PRKN: variants seen among roughly 807,000 people sequenced by gnomAD.
PRKN encodes the protein parkin RBR E3 ubiquitin protein ligase.
PRKN carries 56 observed loss-of-function variants against 59.5 expected under a neutral mutation model. That is an observed-to-expected ratio of 0.94 (90% CI 0.76 to 1.18). PRKN has a LOEUF of 1.18. Ranked by LOEUF, PRKN falls within the 50% of genes most tolerant of loss-of-function variation. The pLI is 0.00. For synonymous variants in PRKN, 250 were observed against 222.1 expected, an observed-to-expected ratio of 1.13 and a Z score of -1.12; for missense variants, 657 against 596.4, an observed-to-expected ratio of 1.10 and a Z score of -1.06.
intron 2 of PRKN, among the ~76,000 whole-genome samples, chr6:162,285,692 C>T (rs1781155782): frequency 6.6e-6 from 1 of 152,080 alleles, no homozygotes; most frequent in Admixed American, 6.6e-5. Flanking sequence ...ACAGCTGGCA[C>T]CTCATCGAAA....
chr6:162,675,048 A>C (rs1316927325), intron 1 of PRKN, among the ~76,000 whole-genome samples: 1 of 151,404 alleles, frequency 6.6e-6, no homozygotes, highest in African/African-American at 2.4e-5. Flanking sequence ...TTATTTATTT[A>C]TTTATTTATT....
Position 161,405,594 on chromosome 6 carries a change from A to T in PRKN, c.1084-18717T>A, listed in dbSNP as rs1787228083. On this transcript the variant is annotated intron_variant, in intron 9 of 11. Coordinates refer to ENST00000366898, the MANE Select transcript of PRKN (RefSeq NM_004562.3). The surrounding 1 kb of genome is among the most constrained non-coding windows in gnomAD (Gnocchi z 5.1). The stretch of plus-strand genomic sequence containing the variant: ...CAAGACCCTGTCTAAAAAATAAAAT[A>T]AAATAAAAATTAAAAATAAATAAAT... Among the ~76,000 whole-genome samples, 1 of 149,204 alleles carries T rather than the reference A, an allele frequency of 6.7e-6. No individual in the cohort carries two copies. The highest frequency in any genetic ancestry group is 6.7e-5 in the Admixed American group (1 of 14,900).
intron 9 of PRKN, among the ~76,000 whole-genome samples, chr6:161,524,148 A>T (rs1778936703): frequency 6.6e-6 from 1 of 152,184 alleles, no homozygotes; most frequent in Non-Finnish European, 1.5e-5. Flanking sequence ...TAGATCTATC[A>T]CAGCACTTCC....
chr6:161,768,341 TTA>T (rs1789517980), intron 7 of PRKN, among the ~76,000 whole-genome samples: 1 of 152,230 alleles, frequency 6.6e-6, no homozygotes, highest in African/African-American at 2.4e-5. Context: ...TGTGTACATT[TTA>T]TATGTTTATA....
At position 162,390,394 on chromosome 6, in the gene PRKN, T is replaced by TACAC. The variant is rs1272491393; in HGVS notation, c.171+52915_171+52916insGTGT. Among the ~76,000 whole-genome samples the TACAC allele has an allele frequency of 7.5e-4, 90 of 120,772 alleles. 1 individual carries two copies. The highest frequency in any genetic ancestry group is 1.2e-3 in the African/African-American group (32 of 26,138). The allele number at this position is 120,772 out of a possible 152,430, so 79.2% of individuals were successfully genotyped here. A position where few individuals can be genotyped will look rare whatever the true frequency, so the allele number is the denominator to read the frequency against. On this transcript the variant is annotated intron_variant, in intron 2 of 11. Coordinates refer to ENST00000366898, the MANE Select transcript of PRKN (RefSeq NM_004562.3). ...GCTAAGGTATATATATATATATATA[T>TACAC]ATACACACACACACACACACACACA...
intron 5 of PRKN, among the ~76,000 whole-genome samples, chr6:162,027,105 A>T (rs1414774305): frequency 6.6e-6 from 1 of 152,102 alleles, no homozygotes; most frequent in African/African-American, 2.4e-5. Flanking sequence ...TAACTTCAGA[A>T]CCCTCACTTA....
At chr6:162,231,401 T>C (rs1778413631) in intron 3 of PRKN, among the ~76,000 whole-genome samples, 1 of 152,234 alleles carries the variant, frequency 6.6e-6, no homozygotes, top group Non-Finnish European at 1.5e-5. Flanking sequence ...TAGATAAGCA[T>C]ACTTTTTAAA....
intron 7 of PRKN, among the ~76,000 whole-genome samples, chr6:161,679,836 G>C (rs1330429655): frequency 1.6e-5 from 2 of 128,092 alleles, no homozygotes; most frequent in Non-Finnish European, 3.1e-5. Flanking sequence ...CTCACTGCAA[G>C]CTCCGCCTCC....
chr6:162,526,547 G>A (rs1026480991), intron 1 of PRKN, among the ~76,000 whole-genome samples: 2 of 151,746 alleles, frequency 1.3e-5, no homozygotes, highest in African/African-American at 4.8e-5. Flanking sequence ...CTACTCAGGA[G>A]GCTGAGGCAG....
At chr6:161,406,924 A>C (rs992576927) in intron 9 of PRKN, among the ~76,000 whole-genome samples, 1 of 152,206 alleles carries the variant, frequency 6.6e-6, no homozygotes, top group African/African-American at 2.4e-5. Flanking sequence ...GCGTCTCGGC[A>C]CTGCTGCTAC....
chr6:161,457,154 C>T lies in PRKN; in HGVS notation c.1084-70277G>A, dbSNP rs1366441563. 6.6e-6 allele frequency among the ~76,000 whole-genome samples: 1 copy of T among 152,228 alleles called. No individual in the cohort carries two copies. The highest frequency in any genetic ancestry group is 1.9e-4 in the East Asian group (1 of 5,198). Reference sequence around the variant, plus strand: ...GAGTCCAGGAGTTCTCCACTCGGTACACCCAGTTTTACCAAAGTTAAACCC... The same window carrying T: ...GAGTCCAGGAGTTCTCCACTCGGTATACCCAGTTTTACCAAAGTTAAACCC... On this transcript the variant is annotated intron_variant, in intron 9 of 11. Coordinates refer to ENST00000366898, the MANE Select transcript of PRKN (RefSeq NM_004562.3). The surrounding 1 kb of genome is among the most constrained non-coding windows in gnomAD (Gnocchi z 5.0).
chr6:161,607,109 C>A (rs1373428566), intron 7 of PRKN, among the ~76,000 whole-genome samples: 1 of 152,124 alleles, frequency 6.6e-6, no homozygotes, highest in African/African-American at 2.4e-5. Flanking sequence ...CTGGGCAGGA[C>A]ATTATTGTAG....
intron 1 of PRKN, among the ~76,000 whole-genome samples, chr6:162,511,528 G>C (rs373945371): frequency 9.2e-5 from 14 of 152,234 alleles, no homozygotes; most frequent in African/African-American, 3.4e-4. Flanking sequence ...TTCTGCAACT[G>C]TAGAAAATGT....
At chr6:161,517,439 A>C (rs1390864161) in intron 9 of PRKN, among the ~76,000 whole-genome samples, 2 of 152,026 alleles carry the variant, frequency 1.3e-5, no homozygotes, top group African/African-American at 4.8e-5. Context: ...TATAAGATGA[A>C]ATCAAGAGTT....
chr6:162,373,938 C>T (rs1022775647), intron 2 of PRKN, among the ~76,000 whole-genome samples: 3 of 152,148 alleles, frequency 2.0e-5, no homozygotes, highest in African/African-American at 7.2e-5. Context: ...GTCAGGTACA[C>T]AAACAGTTGT....
chr6:161,523,918 C>T (rs1318079375), intron 9 of PRKN, among the ~76,000 whole-genome samples: 1 of 152,086 alleles, frequency 6.6e-6, no homozygotes, highest in Non-Finnish European at 1.5e-5. Flanking sequence ...AGAGGAGAGC[C>T]TCTCAGCAAG....
intron 1 of PRKN, among the ~76,000 whole-genome samples, chr6:162,650,524 G>A (rs1250919276): frequency 6.7e-6 from 1 of 149,272 alleles, no homozygotes; most frequent in Non-Finnish European, 1.5e-5. Flanking sequence ...CGTGACCCCG[G>A]GAGGCGGAGC....
intron 6 of PRKN, among the ~76,000 whole-genome samples, chr6:161,922,868 C>G (rs1409786788): frequency 2.0e-5 from 3 of 152,142 alleles, no homozygotes; most frequent in African/African-American, 4.8e-5. Flanking sequence ...ACTCAATTAA[C>G]TAATTAAAAA....
At chr6:162,646,096 T>G (rs1778172530) in intron 1 of PRKN, among the ~76,000 whole-genome samples, 1 of 151,748 alleles carries the variant, frequency 6.6e-6, no homozygotes, top group Non-Finnish European at 1.5e-5. Flanking sequence ...ATGGTCTCGA[T>G]CTCCTGACCT....
Sources: gnomAD v4.1 joint callset for allele counts (sites outside exome capture counted in the v4.1 genomes callset) on GRCh38, gnomAD v4.1.1 for gene constraint, Gnocchi (gnomAD v3.1) non-coding constraint, MANE v1.5 for transcripts, NCBI Gene and HGNC (gene_info 2026-07-23, HGNC 2026-07-21) for gene names.